Variants in MAGI2 observed in about 807,000 individuals in gnomAD.
The protein encoded by MAGI2 is membrane associated guanylate kinase, WW and PDZ domain containing 2, also known as membrane-associated guanylate kinase, WW and PDZ domain-containing protein 2.
Under a neutral mutation model 133.3 loss-of-function variants are expected in MAGI2, and 35 were observed. The ratio of observed to expected loss-of-function variants is 0.26; its 90% confidence interval spans 0.20 to 0.35. The LOEUF is 0.35. Ranked by LOEUF, MAGI2 falls within the 10% of genes least tolerant of loss-of-function variation. MAGI2 has a pLI of 1.00. For missense variants in MAGI2, 1,636 were observed against 1,863.4 expected, an observed-to-expected ratio of 0.88 and a Z score of 2.25; for synonymous variants, 729 against 710.6, an observed-to-expected ratio of 1.03 and a Z score of -0.41.
At chr7:78,643,698 A>C (rs1810539571) in intron 2 of MAGI2, among the ~76,000 whole-genome samples, 1 of 152,262 alleles carries the variant, frequency 6.6e-6, no homozygotes, top group African/African-American at 2.4e-5. Context: ...AAGTAATAAC[A>C]ATATAGTGAA....
chr7:79,266,390 C>T (rs1834460593), intron 1 of MAGI2, among the ~76,000 whole-genome samples: 2 of 152,038 alleles, frequency 1.3e-5, no homozygotes, highest in South Asian at 4.1e-4. Context: ...CAAACCATCA[C>T]AGTGTCATTT....
chr7:78,281,436 T>G (rs1322773035), intron 9 of MAGI2, among the ~76,000 whole-genome samples: 1 of 151,714 alleles, frequency 6.6e-6, no homozygotes, highest in Admixed American at 6.6e-5. Flanking sequence ...TCTTCCCCGC[T>G]TCACTGAGCA....
chr7:78,628,451 C>T (rs1021475430), intron 2 of MAGI2, among the ~76,000 whole-genome samples: 1 of 152,010 alleles, frequency 6.6e-6, no homozygotes, highest in Non-Finnish European at 1.5e-5. Flanking sequence ...TGAAAATAGC[C>T]AGTCGGTTCT....
intron 1 of MAGI2, among the ~76,000 whole-genome samples, chr7:79,368,847 C>CA (rs71095400): frequency 0.017 from 1,314 of 75,208 alleles, 129 homozygotes; most frequent in Non-Finnish European, 0.023. Flanking sequence ...GACTCCGTCT[C>CA]AAAAAAAAAA....
At chr7:79,445,404 G>A (rs1012730503) in intron 1 of MAGI2, among the ~76,000 whole-genome samples, 8 of 152,160 alleles carry the variant, frequency 5.3e-5, no homozygotes, top group Non-Finnish European at 8.8e-5. Context: ...GAAAATTTTT[G>A]CAGTCTATCC....
intron 1 of MAGI2, among the ~76,000 whole-genome samples, chr7:79,215,501 C>T (rs1275569544): frequency 6.6e-6 from 1 of 151,976 alleles, no homozygotes; most frequent in Non-Finnish European, 1.5e-5. Flanking sequence ...TTAGAAGAGC[C>T]TTGGTCTCCA....
intron 1 of MAGI2, among the ~76,000 whole-genome samples, chr7:79,065,356 A>T (rs1814198718): frequency 6.6e-6 from 1 of 152,136 alleles, no homozygotes; most frequent in Non-Finnish European, 1.5e-5. Flanking sequence ...GGCAGGAAGA[A>T]TATCTTAATC....
At chr7:78,185,142 A>T (rs1827563520) in intron 13 of MAGI2, among the ~76,000 whole-genome samples, 1 of 152,250 alleles carries the variant, frequency 6.6e-6, no homozygotes, top group Non-Finnish European at 1.5e-5. Context: ...TGTTTAACTT[A>T]GTATATGCAA....
chr7:78,632,951 C>G (rs1809178736), intron 2 of MAGI2, among the ~76,000 whole-genome samples: 1 of 152,178 alleles, frequency 6.6e-6, no homozygotes, highest in Non-Finnish European at 1.5e-5. Context: ...CACGAATGTT[C>G]ACTGCAGCAG....
chr7:78,487,727 G>A (rs1793184472), intron 6 of MAGI2, among the ~76,000 whole-genome samples: 1 of 152,070 alleles, frequency 6.6e-6, no homozygotes, highest in African/African-American at 2.4e-5. Flanking sequence ...GGCTAGCAGA[G>A]GAAGGGCAAA....
intron 15 of MAGI2, among the ~76,000 whole-genome samples, chr7:78,165,281 T>G (rs953012008): frequency 6.6e-6 from 1 of 152,094 alleles, no homozygotes; most frequent in African/African-American, 2.4e-5. Flanking sequence ...GCCATGATTG[T>G]ATCACTGCAC....
chr7:78,419,205 C>T (rs557080945), intron 6 of MAGI2, among the ~76,000 whole-genome samples: 2 of 152,174 alleles, frequency 1.3e-5, no homozygotes, highest in South Asian at 4.1e-4. Context: ...TACTATAGTT[C>T]TCATAAGGAT....
chr7:78,497,390 A>T (rs1375401665), intron 5 of MAGI2, among the ~76,000 whole-genome samples: 2 of 152,146 alleles, frequency 1.3e-5, no homozygotes, highest in Non-Finnish European at 2.9e-5. Flanking sequence ...TTTATCAATC[A>T]TCAAAAGAAG....
chr7:78,395,369 G>T (rs1186539062), intron 6 of MAGI2, among the ~76,000 whole-genome samples: 1 of 152,200 alleles, frequency 6.6e-6, no homozygotes, highest in Admixed American at 6.5e-5. Context: ...AGAGAAAGCT[G>T]TAGCTCATGG....
At chr7:78,938,558 A>G (rs1261114697) in intron 2 of MAGI2, among the ~76,000 whole-genome samples, 4 of 152,138 alleles carry the variant, frequency 2.6e-5, no homozygotes, top group Non-Finnish European at 5.9e-5. Flanking sequence ...GATTGAAACT[A>G]AAGGCTGAGT....
chr7:78,400,209 C>T (rs1365968561), intron 6 of MAGI2, among the ~76,000 whole-genome samples: 1 of 152,116 alleles, frequency 6.6e-6, no homozygotes, highest in Non-Finnish European at 1.5e-5. Flanking sequence ...AAATCTTTCA[C>T]TTCTTTTTCT....
At chr7:78,804,655 A>G (rs1289424269) in intron 2 of MAGI2, among the ~76,000 whole-genome samples, 1 of 150,638 alleles carries the variant, frequency 6.6e-6, no homozygotes, top group East Asian at 2.0e-4. Flanking sequence ...AGGCTGAGGC[A>G]GGAGAATGGT....
At chr7:78,988,756 C>T (rs1805496150) in intron 2 of MAGI2, among the ~76,000 whole-genome samples, 1 of 152,186 alleles carries the variant, frequency 6.6e-6, no homozygotes, top group South Asian at 2.1e-4. Context: ...AATCACCCCT[C>T]AGTGGAAGAC....
At chr7:78,856,348 T>C (rs1384967011) in intron 2 of MAGI2, among the ~76,000 whole-genome samples, 1 of 152,224 alleles carries the variant, frequency 6.6e-6, no homozygotes. Flanking sequence ...CTGAATGGTA[T>C]TGCCTAGGTT....
Sources: gnomAD v4.1 joint callset for allele counts (sites outside exome capture counted in the v4.1 genomes callset) on GRCh38, gnomAD v4.1.1 for gene constraint, MANE v1.5 for transcripts, NCBI Gene and HGNC (gene_info 2026-07-23, HGNC 2026-07-21) for gene names.